PARM1: variants seen among roughly 807,000 people sequenced by gnomAD.
PARM1 encodes WSC4, cell wall integrity and stress response component 4 homolog.
Under a neutral mutation model 24.6 loss-of-function variants are expected in PARM1, and 14 were observed. That is an observed-to-expected ratio of 0.57 (90% CI 0.38 to 0.89). The LOEUF (loss-of-function observed/expected upper bound fraction) is 0.89, where lower values mean the gene tolerates loss of function less well. PARM1 is among the 40% of genes least tolerant of loss of function. PARM1 has a pLI of 0.00. For synonymous variants in PARM1, 179 were observed against 156.6 expected (o/e 1.14, Z -1.07); for missense variants, 362 against 380.4 (o/e 0.95, Z 0.40).
At chr4:75,020,219 G>A (rs1723066074) in intron 2 of PARM1, among the ~76,000 whole-genome samples, 1 of 152,074 alleles carries the variant, frequency 6.6e-6, no homozygotes, top group Admixed American at 6.5e-5. Flanking sequence ...AAAATGGCCA[G>A]AATGTATCAG....
intron 1 of PARM1, among the ~76,000 whole-genome samples, chr4:74,972,561 G>T (rs114798067): frequency 6.6e-6 from 1 of 152,156 alleles, no homozygotes; most frequent in African/African-American, 2.4e-5. Context: ...GCAGTTCTTC[G>T]GTAGTAGTAT....
intron 1 of PARM1, among the ~76,000 whole-genome samples, chr4:74,962,254 G>A (rs1317626590): frequency 1.3e-5 from 2 of 152,080 alleles, no homozygotes; most frequent in African/African-American, 4.8e-5. Context: ...ACATTAGGAT[G>A]TTAAATGTAA....
At chr4:75,030,196 C>G (rs1013250030) in intron 2 of PARM1, among the ~76,000 whole-genome samples, 3 of 152,134 alleles carry the variant, frequency 2.0e-5, no homozygotes, top group African/African-American at 7.2e-5. Context: ...AGAATAGGAG[C>G]TGGCCAGGCT....
intron 1 of PARM1, among the ~76,000 whole-genome samples, chr4:74,963,661 A>G (rs115970172): frequency 0.023 from 3,529 of 152,304 alleles, 55 homozygotes; most frequent in Non-Finnish European, 0.033. Flanking sequence ...GAGGAAAGAA[A>G]TAGGAGTGAT....
chr4:75,013,247 AG>A, intron 2 of PARM1, 97 bp downstream of exon 2: 1 of 1,224,076 alleles, frequency 8.2e-7, no homozygotes. Context: ...TGAATTTTGG[AG>A]TGTAACACCT....
chr4:75,032,080 C>A (rs1243749372), intron 2 of PARM1, among the ~76,000 whole-genome samples: 1 of 152,126 alleles, frequency 6.6e-6, no homozygotes, highest in Admixed American at 6.5e-5. Context: ...ATAATTCTGT[C>A]TTTACAATAG....
At position 75,012,843 on chromosome 4, in the gene PARM1, A is replaced by C. The variant is rs1186923550; in HGVS notation, c.462A>C (p.Pro154=). Residue 154 remains proline (P), a synonymous_variant, in exon 2 of 4, where the codon CCA becomes CCC. Transcript: ENST00000307428. ...EPPTLISPQA[P]ASSPSSLSTS... ...CCACACTCATCTCCCCTCAAGCTCC[A>C]GCCTCATCACCCTCATCCCTATCAA... The C allele has an allele frequency of 6.2e-7, 1 of 1,613,900 alleles. No homozygotes were observed. The highest frequency in any genetic ancestry group is 1.1e-5 in the South Asian group (1 of 91,072).
intron 1 of PARM1, among the ~76,000 whole-genome samples, chr4:74,988,313 C>T (rs1405561536): frequency 6.6e-6 from 1 of 152,124 alleles, no homozygotes; most frequent in Non-Finnish European, 1.5e-5. Context: ...ATAGGAGAAA[C>T]AGTTGTTTAT....
chr4:74,938,361 C>G (rs1008523315), intron 1 of PARM1, among the ~76,000 whole-genome samples: 8 of 152,188 alleles, frequency 5.3e-5, no homozygotes, highest in African/African-American at 1.7e-4. Context: ...CCTGCAATAA[C>G]AGTTACAACA....
chr4:74,965,671 TAAG>T (rs1721887371), intron 1 of PARM1, among the ~76,000 whole-genome samples: 1 of 152,204 alleles, frequency 6.6e-6, no homozygotes, highest in South Asian at 2.1e-4. Flanking sequence ...GACTGTGTGA[TAAG>T]AAGAATACTT....
intron 1 of PARM1, among the ~76,000 whole-genome samples, chr4:74,940,917 T>C (rs1721293469): frequency 6.6e-6 from 1 of 152,244 alleles, no homozygotes; most frequent in Non-Finnish European, 1.5e-5. Context: ...ATGTGTCTTA[T>C]TAGGAGAGGA....
rs1192874327 is a variant in PARM1, at chr4:75,021,690, C to T, written c.769+8540C>T. 2.6e-5 allele frequency among the ~76,000 whole-genome samples: 4 copies of T among 152,140 alleles called. No individual in the cohort carries two copies. The East Asian group carries it at 7.7e-4, about 29-fold the overall frequency. On this transcript the variant is annotated intron_variant, in intron 2 of 3. Transcript: ENST00000307428. ...ACGTATACTCGAGGTTTACCTTCCT[C>T]CTAAGTCAGAACATGCAGTGTTTGG...
chr4:74,934,363 G>A (rs950065183), intron 1 of PARM1, among the ~76,000 whole-genome samples: 9 of 152,182 alleles, frequency 5.9e-5, no homozygotes, highest in African/African-American at 2.2e-4. Context: ...AGCGCAAACC[G>A]ATTCTACTCG....
intron 1 of PARM1, among the ~76,000 whole-genome samples, chr4:74,991,654 T>A (rs1246188639): frequency 1.3e-5 from 2 of 152,046 alleles, no homozygotes; most frequent in Non-Finnish European, 2.9e-5. Context: ...AGACTGGAAA[T>A]AATTCACGTT....
chr4:75,004,035 C>T (rs1304038462), intron 1 of PARM1, among the ~76,000 whole-genome samples: 1 of 152,154 alleles, frequency 6.6e-6, no homozygotes, highest in African/African-American at 2.4e-5. Context: ...TCCCTGCAGT[C>T]TCCAAAGTAA....
intron 1 of PARM1, among the ~76,000 whole-genome samples, chr4:74,948,025 C>G (rs1398435780): frequency 6.6e-6 from 1 of 152,220 alleles, no homozygotes; most frequent in Non-Finnish European, 1.5e-5. Context: ...TCAGGCCTCT[C>G]TGCCTTTGCT....
intron 2 of PARM1, among the ~76,000 whole-genome samples, chr4:75,029,716 G>GA (rs1677963926): frequency 4.6e-5 from 7 of 152,056 alleles, no homozygotes; most frequent in Admixed American, 4.6e-4. Context: ...CACTGATGGG[G>GA]ACTTTCAAGT....
At chr4:75,044,499 C>T (rs1452437660) in intron 3 of PARM1, among the ~76,000 whole-genome samples, 1 of 152,126 alleles carries the variant, frequency 6.6e-6, no homozygotes, top group Non-Finnish European at 1.5e-5. Flanking sequence ...AGATATTCTT[C>T]TGGGTGCTGG....
intron 1 of PARM1, among the ~76,000 whole-genome samples, chr4:74,937,236 G>A (rs1366081288): frequency 3.9e-5 from 6 of 152,154 alleles, no homozygotes; most frequent in Admixed American, 2.6e-4. Flanking sequence ...GTGCACACAC[G>A]TAAAGGAACA....
Sources: gnomAD v4.1 joint callset for allele counts (sites outside exome capture counted in the v4.1 genomes callset) on GRCh38, gnomAD v4.1.1 for gene constraint, MANE v1.5 for transcripts, NCBI Gene and HGNC (gene_info 2026-07-23, HGNC 2026-07-21) for gene names.